Variants in ACSM4 observed in about 807,000 individuals in gnomAD.
ACSM4 encodes acyl-coenzyme A synthetase ACSM4, mitochondrial.
Under a neutral mutation model 73.0 loss-of-function variants are expected in ACSM4, and 66 were observed. The ratio of observed to expected loss-of-function variants is 0.90; its 90% CI spans 0.74 to 1.11. ACSM4 has a LOEUF of 1.11. ACSM4 is among the 50% of genes least tolerant of loss of function. ACSM4 has a pLI of 0.00. For missense variants in ACSM4, 645 were observed against 714.4 expected, an observed-to-expected ratio of 0.90 and a Z score of 1.11; for synonymous variants, 222 against 254.0, an observed-to-expected ratio of 0.87 and a Z score of 1.20.
chr12:7,319,647 C>T (rs990616889), intron 5 of ACSM4, among the ~76,000 whole-genome samples: 3 of 151,730 alleles, frequency 2.0e-5, no homozygotes, highest in African/African-American at 7.3e-5. Flanking sequence ...TGCCCCGCCA[C>T]TCACCTCCTG....
chr12:7,327,227 C>T lies in ACSM4; in HGVS notation c.1656+132C>T, dbSNP rs752839704. On this transcript the variant is annotated intron_variant, in intron 12 of 12. Coordinates refer to ENST00000399422, the MANE Select transcript of ACSM4 (RefSeq NM_001080454.2). Reference sequence around the variant, plus strand: ...GAAGACACTTTTCAATTTGTTTAACCCTAAGAATTTTGCTTTAAAATGTTT... The same window carrying T: ...GAAGACACTTTTCAATTTGTTTAACTCTAAGAATTTTGCTTTAAAATGTTT... 4.6e-5 allele frequency: 54 copies of T among 1,172,926 alleles called. No homozygotes were observed. The African/African-American group carries it at 7.0e-4, about 15-fold the overall frequency. The allele number at this position is 1,172,926 out of a possible 1,614,324, so 72.7% of individuals were successfully genotyped here.
chr12:7,322,350 C>T, intron 6 of ACSM4, 68 bp from the exon 7 acceptor site: 3 of 1,600,462 alleles, frequency 1.9e-6, no homozygotes, highest in Non-Finnish European at 2.6e-6. Context: ...GCTTGAATGT[C>T]CTAATTGTCT....
intron 4 of ACSM4, 75 bp from the exon 5 acceptor site, chr12:7,317,951 C>A: frequency 6.6e-7 from 1 of 1,511,868 alleles, no homozygotes; most frequent in Non-Finnish European, 9.0e-7. Flanking sequence ...GGCAAAGTCA[C>A]CCCTGAAAGA....
intron 3 of ACSM4, among the ~76,000 whole-genome samples, chr12:7,311,638 G>C (rs949194588): frequency 2.0e-5 from 3 of 152,170 alleles, no homozygotes; most frequent in Non-Finnish European, 4.4e-5. Flanking sequence ...AGTAGGGTTT[G>C]GCAAATTCAG....
chr12:7,325,882 A>C (rs762487908), intron 11 of ACSM4, among the ~76,000 whole-genome samples: 34 of 152,226 alleles, frequency 2.2e-4, no homozygotes, highest in African/African-American at 7.5e-4. Flanking sequence ...CCTCTCACAC[A>C]CCAGTGAGCC....
At chr12:7,324,238 C>G (rs756746272) in intron 9 of ACSM4, 35 bp from the exon 10 acceptor site, 4 of 1,607,486 alleles carry the variant, frequency 2.5e-6, no homozygotes, top group Non-Finnish European at 3.4e-6. Context: ...CTGTTCTGAC[C>G]AGACTAATCC....
At chr12:7,323,392 T>C in intron 8 of ACSM4, 67 bp from the exon 9 acceptor site, 1 of 1,595,340 alleles carries the variant, frequency 6.3e-7, no homozygotes, top group East Asian at 2.2e-5. Context: ...TGCACAACTA[T>C]TCATAAGCTG....
intron 3 of ACSM4, among the ~76,000 whole-genome samples, chr12:7,314,309 G>C (rs1303142406): frequency 6.6e-6 from 1 of 152,162 alleles, no homozygotes; most frequent in Non-Finnish European, 1.5e-5. Flanking sequence ...TGTCTAGCAG[G>C]TAGTAGGTAC....
At chr12:7,319,701 T>A (rs1946445682) in intron 5 of ACSM4, among the ~76,000 whole-genome samples, 1 of 152,098 alleles carries the variant, frequency 6.6e-6, no homozygotes, top group Non-Finnish European at 1.5e-5. Flanking sequence ...GAAACCAGTC[T>A]GTCCTTTGGG....
intron 3 of ACSM4, among the ~76,000 whole-genome samples, chr12:7,314,373 A>T (rs1946406468): frequency 6.6e-6 from 1 of 152,184 alleles, no homozygotes; most frequent in South Asian, 2.1e-4. Context: ...ATTAGTATAT[A>T]ATTAGCTCTG....
chr12:7,317,561 C>G (rs1290806619), intron 4 of ACSM4, among the ~76,000 whole-genome samples: 1 of 152,106 alleles, frequency 6.6e-6, no homozygotes, highest in Non-Finnish European at 1.5e-5. Context: ...AAAGGCCTTC[C>G]TAAAAGAGAG....
At position 7,304,152 on chromosome 12, in the gene ACSM4, A is replaced by G. The variant is rs748681974; in HGVS notation, c.-180A>G. 4.8e-6 allele frequency: 3 copies of G among 628,436 alleles called. No homozygotes were observed. The highest frequency in any genetic ancestry group is 1.8e-5 in the African/African-American group (1 of 54,380). The allele number at this position is 628,436 out of a possible 1,614,324, so 38.9% of individuals were successfully genotyped here. On this transcript the variant is annotated 5_prime_UTR_variant, in exon 1 of 13. Coordinates refer to ENST00000399422, the MANE Select transcript of ACSM4 (RefSeq NM_001080454.2). ...GAGACCAGTCAGTGGCTAAGGCAGC[A>G]GCTCTGAGGAAGGATGAGGTGTTTT...
Position 7,317,160 on chromosome 12 carries a change from G to A in ACSM4, c.644G>A (p.Cys215Tyr). ...AGATTCGCCTCTGAAGAGCACAGCTGTGTGGAAACAGGAAGTCAAGAACCA... is the reference window on the plus strand; with the variant it reads ...AGATTCGCCTCTGAAGAGCACAGCTATGTGGAAACAGGAAGTCAAGAACCA... ...LFQFASEEHS[C>Y]VETGSQEPMT... Residue 215 changes from cysteine (C) to tyrosine (Y), a missense_variant, in exon 4 of 13, where the codon TGT becomes TAT. Transcript: ENST00000399422. 6.2e-7 allele frequency: 1 copy of A among 1,613,054 alleles called. No individual in the cohort carries two copies. The highest frequency in any genetic ancestry group is 8.5e-7 in the Non-Finnish European group (1 of 1,179,514).
Position 7,322,466 on chromosome 12 carries a change from C to T in ACSM4, c.1050C>T (p.Leu350=). 6.2e-7 allele frequency: 1 copy of T among 1,613,892 alleles called. No individual in the cohort carries two copies. Among genetic ancestry groups the T allele is most frequent in the Non-Finnish European group, 8.5e-7 (1 of 1,179,836 alleles). Reference sequence around the variant, plus strand: ...ACTGCTTGACCGGAGGGGAGCCACTCAACCCAGAAGTGCTGGAGCAGTGGA... The same window carrying T: ...ACTGCTTGACCGGAGGGGAGCCACTTAACCCAGAAGTGCTGGAGCAGTGGA... ...LRHCLTGGEP[L]NPEVLEQWRV... The change falls in exon 7 of 13, where the codon CTC becomes CTT. Residue 350 remains leucine (L), a synonymous_variant. Coordinates refer to ENST00000399422, the MANE Select transcript of ACSM4 (RefSeq NM_001080454.2).
Position 7,323,282 on chromosome 12 carries a change from A to C in ACSM4, c.1174A>C (p.Met392Leu), listed in dbSNP as rs760912619. 6.2e-7 allele frequency: 1 copy of C among 1,611,548 alleles called. No homozygotes were observed. Among genetic ancestry groups the C allele is most frequent in the Non-Finnish European group, 8.5e-7 (1 of 1,178,966 alleles). Residue 392 changes from methionine to leucine, a missense_variant, in exon 8 of 13, where the codon ATG becomes CTG. Transcript: ENST00000399422. ...AGGCCAAGAAATTAAACCAGGTTCA[A>C]TGGGGAAAGGAATGCTGCCCTATGA... is the stretch of plus-strand genomic sequence containing the variant. ...QKGQEIKPGSMGKGMLPYDVQ... is the reference protein window; with the variant it reads ...QKGQEIKPGSLGKGMLPYDVQ...
intron 6 of ACSM4, 127 bp from the exon 7 acceptor site, chr12:7,322,291 G>A (rs1591845803): frequency 2.3e-6 from 3 of 1,319,584 alleles, no homozygotes; most frequent in Non-Finnish European, 3.2e-6. Context: ...ACAAGTATTT[G>A]TTGAATGAAC....
Position 7,323,519 on chromosome 12 carries a change from C to T in ACSM4, c.1267C>T (p.Leu423Phe). 1 of 1,613,858 alleles carries T rather than the reference C, an allele frequency of 6.2e-7. No homozygotes were observed. Among genetic ancestry groups the T allele is most frequent in the Non-Finnish European group, 8.5e-7 (1 of 1,179,804 alleles). ...CAAAGAAGGGGAAATTGCCCTCAGA[C>T]TCAAACCTACACGGCCCTTCTGTTT... Reference protein sequence around the residue: ...PGKEGEIALRLKPTRPFCFFS... With the variant: ...PGKEGEIALRFKPTRPFCFFS... The change falls in exon 9 of 13, where the codon CTC becomes TTC. Residue 423 changes from leucine (L) to phenylalanine (F), a missense_variant. Transcript: ENST00000399422.
chr12:7,324,446 G>A (rs777558004), intron 10 of ACSM4, 46 bp downstream of exon 10: 2 of 1,613,890 alleles, frequency 1.2e-6, no homozygotes, highest in African/African-American at 2.7e-5. Context: ...CGACAGGGAG[G>A]GAGATCTCTA....
chr12:7,318,228 G>A (rs371170625), intron 5 of ACSM4, 46 bp downstream of exon 5: 3 of 1,586,914 alleles, frequency 1.9e-6, no homozygotes, highest in Non-Finnish European at 1.7e-6. Context: ...GTTCTTCCTT[G>A]TTTCCCATAA....
Sources: allele counts gnomAD v4.1 joint callset (sites outside exome capture counted in the v4.1 genomes callset), GRCh38; gene constraint gnomAD v4.1.1; transcripts MANE v1.5; gene names NCBI Gene and HGNC (gene_info 2026-07-23, HGNC 2026-07-21).